Variants in BCOR observed in about 807,000 individuals in gnomAD.
BCOR encodes BCL6 corepressor.
In BCOR, 10 loss-of-function variants were observed where a neutral mutation model predicts 86.7. The observed-to-expected ratio is 0.12, with a 90% CI of 0.07 to 0.20. The LOEUF is 0.20. BCOR is among the 10% of genes least tolerant of loss of function. BCOR has a pLI of 1.00. For missense variants in BCOR, 1,259 were observed against 1,452.1 expected, an observed-to-expected ratio of 0.87 and a Z score of 2.16; for synonymous variants, 611 against 609.0, an observed-to-expected ratio of 1.00 and a Z score of -0.05.
At chrX:40,172,797 G>A (rs952787910) in intron 1 of BCOR, among the ~76,000 whole-genome samples, 1 of 112,992 alleles carries the variant, frequency 8.9e-6, no homozygotes, top group Admixed American at 9.2e-5. Flanking sequence ...CCAGGGGACT[G>A]GTGTGAACTA....
Position 40,075,157 on chromosome X carries a change from C to A in BCOR, c.189G>T (p.Arg63Ser), listed in dbSNP as rs764471817. The A allele has an allele frequency of 8.3e-7, 1 of 1,209,676 alleles. No individual in the cohort carries two copies. ...HNVVDASTAHRIDGLAALSMD... is the reference protein window; with the variant it reads ...HNVVDASTAHSIDGLAALSMD... ...TGCTCAGTGCTGCCAGGCCATCGAT[C>A]CTATGGGCCGTGCTCGCATCCACCT... The change falls in exon 4 of 15, where the codon AGG becomes AGT. Residue 63 changes from arginine to serine, a missense_variant. Arg to Ser is a moderately radical substitution (Grantham distance 110). Coordinates refer to ENST00000378444, the MANE Select transcript of BCOR (RefSeq NM_001123385.2).
chrX:40,127,326 G>C (rs1170000011), intron 1 of BCOR, among the ~76,000 whole-genome samples: 1 of 111,995 alleles, frequency 8.9e-6, no homozygotes. Context: ...CTGACAGCTG[G>C]CACCAACTGC....
intron 1 of BCOR, among the ~76,000 whole-genome samples, chrX:40,152,610 C>G (rs1008094983): frequency 5.3e-5 from 6 of 112,861 alleles, no homozygotes; most frequent in African/African-American, 1.9e-4. Context: ...CTCCGGCTAC[C>G]GGGCGAGGCT....
chrX:40,074,263 A>G lies in BCOR; in HGVS notation c.1083T>C (p.Tyr361=). 1 of 1,212,096 alleles carries G rather than the reference A, an allele frequency of 8.3e-7. No homozygotes were observed. Among genetic ancestry groups the G allele is most frequent in the Non-Finnish European group, 1.1e-6 (1 of 895,564 alleles). ...ADTYSEFHKH[Y]ARISTSPSVA... ...CTGAAGGAGAGGTGGAGATCCTGGC[A>G]TAGTGCTTGTGGAACTCCGAGTAGG... Residue 361 remains tyrosine (Y), a synonymous_variant, in exon 4 of 15, where the codon TAT becomes TAC. Coordinates refer to ENST00000378444, the MANE Select transcript of BCOR (RefSeq NM_001123385.2).
intron 1 of BCOR, among the ~76,000 whole-genome samples, chrX:40,109,087 G>C (rs1464210115): frequency 3.5e-5 from 4 of 112,818 alleles, no homozygotes; most frequent in Non-Finnish European, 7.5e-5. Flanking sequence ...GCTGGGCTGG[G>C]AGGGCGGCGG....
chrX:40,120,996 G>T (rs920672904), intron 1 of BCOR, among the ~76,000 whole-genome samples: 1 of 111,612 alleles, frequency 9.0e-6, no homozygotes, highest in Non-Finnish European at 1.9e-5. Context: ...GCAGGCAGAG[G>T]CAAAGCCAGT....
At chrX:40,076,992 G>C (rs1935840361) in intron 2 of BCOR, 2 of 282,625 alleles carry the variant, frequency 7.1e-6, no homozygotes, top group African/African-American at 5.6e-5. Flanking sequence ...CAGGAGGGTA[G>C]GCTTTCAAAA....
Position 40,074,740 on chromosome X carries a change from G to A in BCOR, c.606C>T (p.Ala202=). 8.3e-7 allele frequency: 1 copy of A among 1,211,513 alleles called. No individual in the cohort carries two copies. Among genetic ancestry groups the A allele is most frequent in the South Asian group, 1.8e-5 (1 of 56,971 alleles). ...VNPYMEGATP[A]IYPFLDSPNK... Reference sequence around the variant, plus strand: ...TTGGCGAGTCGAGGAAAGGGTAGATGGCTGGCGTGGCACCCTCCATGTAAG... The same window carrying A: ...TTGGCGAGTCGAGGAAAGGGTAGATAGCTGGCGTGGCACCCTCCATGTAAG... The change falls in exon 4 of 15, where the codon GCC becomes GCT. Residue 202 remains alanine, a synonymous_variant. Coordinates refer to ENST00000378444, the MANE Select transcript of BCOR (RefSeq NM_001123385.2).
At chrX:40,157,765 A>G (rs1010792579) in intron 1 of BCOR, among the ~76,000 whole-genome samples, 1 of 112,010 alleles carries the variant, frequency 8.9e-6, no homozygotes, top group East Asian at 2.8e-4. Flanking sequence ...GCATTCATCA[A>G]TGCCATTTCT....
At chrX:40,085,520 C>G (rs958010882) in intron 1 of BCOR, among the ~76,000 whole-genome samples, 6 of 111,784 alleles carry the variant, frequency 5.4e-5, no homozygotes, top group African/African-American at 9.8e-5. Context: ...CCCAGCTCCC[C>G]ATCGGAAACC....
chrX:40,155,586 G>C (rs1464553718), intron 1 of BCOR, among the ~76,000 whole-genome samples: 1 of 110,446 alleles, frequency 9.1e-6, no homozygotes, highest in East Asian at 2.9e-4. Context: ...CCTTGGACGC[G>C]AGGAGACCCC....
chrX:40,082,170 C>T (rs1034311717), intron 1 of BCOR, among the ~76,000 whole-genome samples: 1 of 111,845 alleles, frequency 8.9e-6, no homozygotes, highest in African/African-American at 3.2e-5. Flanking sequence ...ACACACCCAC[C>T]CTCTGTGAAA....
chrX:40,175,415 C>T (rs1938723814), intron 1 of BCOR, among the ~76,000 whole-genome samples: 2 of 113,325 alleles, frequency 1.8e-5, no homozygotes, highest in Admixed American at 1.8e-4. Flanking sequence ...TAATTCCGCC[C>T]GGGAGACAGC....
chrX:40,064,205 C>G, intron 7 of BCOR, 131 bp downstream of exon 7: 1 of 999,887 alleles, frequency 1.0e-6, no homozygotes, highest in Middle Eastern at 3.7e-4. Context: ...CACTGCTGCG[C>G]CCCCACGGCT....
intron 1 of BCOR, among the ~76,000 whole-genome samples, chrX:40,125,688 T>C (rs189250002): frequency 2.8e-3 from 318 of 112,595 alleles, no homozygotes; most frequent in African/African-American, 9.8e-3. Flanking sequence ...CCTGCTGTAC[T>C]TTATCTGAAT....
rs764000662 is a variant in BCOR at position 40,132,184 on chromosome X, GC to G, written c.-41+44822del. ...CATCAACTGATTGCTACAGGAGTGTGCCATCTCGGATATCCTTCCGATGGCT... is the reference window on the plus strand; with the variant it reads ...CATCAACTGATTGCTACAGGAGTGTGCATCTCGGATATCCTTCCGATGGCT... On this transcript the variant is annotated intron_variant, in intron 1 of 14. Transcript: ENST00000342274. 3.6e-5 allele frequency among the ~76,000 whole-genome samples: 4 copies of G among 112,111 alleles called. No homozygotes were observed. In the Admixed American group the frequency reaches 3.8e-4, roughly 11 times the overall value.
At chrX:40,088,226 A>T (rs914415237) in intron 1 of BCOR, among the ~76,000 whole-genome samples, 8 of 112,427 alleles carry the variant, frequency 7.1e-5, no homozygotes, top group Non-Finnish European at 1.5e-4. Flanking sequence ...GCGTCTCTAG[A>T]TTCCAAGCCC....
rs372759384 is a variant in BCOR at position 40,158,121 on chromosome X, G to A, written c.-41+18886C>T. 3.6e-5 allele frequency among the ~76,000 whole-genome samples: 4 copies of A among 112,350 alleles called. No homozygotes were observed. In the East Asian group the frequency reaches 8.5e-4, roughly 24 times the overall value. ...CCCTGTCCACCATGTCTAGCCAGGCGGCCATCCTCCTGGCCGTCCCGATCC... is the reference window on the plus strand; with the variant it reads ...CCCTGTCCACCATGTCTAGCCAGGCAGCCATCCTCCTGGCCGTCCCGATCC... On this transcript the variant is annotated intron_variant, in intron 1 of 14. Transcript: ENST00000342274.
chrX:40,174,683 T>C (rs1026492961), intron 1 of BCOR, among the ~76,000 whole-genome samples: 1 of 112,595 alleles, frequency 8.9e-6, no homozygotes, highest in Non-Finnish European at 1.9e-5. Flanking sequence ...ATTCCTCTCT[T>C]CGCGTTCTAT....
Sources: allele counts gnomAD v4.1 joint callset (sites outside exome capture counted in the v4.1 genomes callset), GRCh38; gene constraint gnomAD v4.1.1; transcripts MANE v1.5; gene names NCBI Gene and HGNC (gene_info 2026-07-23, HGNC 2026-07-21).